The following SORCS1 variants were observed in gnomAD, a reference collection of about 807,000 sequenced individuals.
SORCS1 encodes VPS10 domain-containing receptor SorCS1.
Under a neutral mutation model 146.1 loss-of-function variants are expected in SORCS1, and 60 were observed. That is an observed-to-expected ratio of 0.41 (90% CI 0.33 to 0.51). The LOEUF is 0.51. SORCS1 is among the 20% of genes least tolerant of loss of function. The pLI is 0.21. For missense variants in SORCS1, 1,352 were observed against 1,487.6 expected (o/e 0.91, Z 1.50); for synonymous variants, 637 against 584.0 (o/e 1.09, Z -1.31).
chr10:106,881,941 G>A (rs1056627354), intron 2 of SORCS1, among the ~76,000 whole-genome samples: 1 of 152,196 alleles, frequency 6.6e-6, no homozygotes, highest in African/African-American at 2.4e-5. Context: ...TGCTCCCTAG[G>A]ATCTCTGAGG....
chr10:106,898,822 C>T (rs926971311), intron 2 of SORCS1, among the ~76,000 whole-genome samples: 1 of 152,116 alleles, frequency 6.6e-6, no homozygotes, highest in African/African-American at 2.4e-5. Flanking sequence ...TTCATTGTTG[C>T]CTTTATCTTT....
rs10884409 is a variant in SORCS1 at position 107,060,027 on chromosome 10, G to A, written c.559-103447C>T. 0.49 allele frequency among the ~76,000 whole-genome samples: 74,177 copies of A among 151,870 alleles called. 18,716 individuals carry two copies. Among genetic ancestry groups the A allele is most frequent in the Middle Eastern group, 0.62 (183 of 294 alleles). On this transcript the variant is annotated intron_variant, in intron 1 of 25. Transcript: ENST00000263054. This position sits in a 1 kb window ranked among gnomAD's most constrained non-coding sequence, Gnocchi z 4.1. ...AATGCTTCTGACAGATGACACAGTG[G>A]TCTTTAATCTACCATGTGTCCTCAT...
At chr10:106,809,029 G>T (rs1449835889) in intron 3 of SORCS1, among the ~76,000 whole-genome samples, 1 of 152,136 alleles carries the variant, frequency 6.6e-6, no homozygotes, top group East Asian at 1.9e-4. Flanking sequence ...TTTACCGCCA[G>T]TTGTAAAGTA....
chr10:107,132,000 T>G (rs561594316), intron 1 of SORCS1, among the ~76,000 whole-genome samples: 13 of 152,240 alleles, frequency 8.5e-5, no homozygotes, highest in Non-Finnish European at 1.6e-4. Flanking sequence ...AATGTTTCTT[T>G]CTTTGAGAAG....
intron 2 of SORCS1, among the ~76,000 whole-genome samples, chr10:106,923,013 C>T (rs768710316): frequency 7.9e-5 from 12 of 151,980 alleles, no homozygotes; most frequent in Non-Finnish European, 1.3e-4. Context: ...TTCAGCCCCC[C>T]GAGTAGCTGG....
At chr10:107,092,522 T>C (rs1196277179) in intron 1 of SORCS1, among the ~76,000 whole-genome samples, 1 of 152,194 alleles carries the variant, frequency 6.6e-6, no homozygotes. Flanking sequence ...TCTCCCTGCC[T>C]TGCACATGAC....
chr10:106,663,681 C>T (rs1850909727), intron 17 of SORCS1, among the ~76,000 whole-genome samples: 1 of 152,174 alleles, frequency 6.6e-6, no homozygotes, highest in South Asian at 2.1e-4. Flanking sequence ...AGTTCACCAA[C>T]ATTTTACCTC....
intron 2 of SORCS1, among the ~76,000 whole-genome samples, chr10:106,857,566 G>A (rs769910779): frequency 6.6e-5 from 10 of 152,184 alleles, no homozygotes; most frequent in African/African-American, 2.2e-4. Context: ...AAATAGCTCC[G>A]AAAGCCAAGG....
chr10:106,942,004 G>A (rs1419208933), intron 2 of SORCS1, among the ~76,000 whole-genome samples: 1 of 152,156 alleles, frequency 6.6e-6, no homozygotes, highest in East Asian at 1.9e-4. Flanking sequence ...GGATGTGGGG[G>A]GAATTGACAA....
At chr10:106,606,282 C>T (rs2418813) in intron 23 of SORCS1, among the ~76,000 whole-genome samples, 3 of 18,680 alleles carry the variant, frequency 1.6e-4, no homozygotes, top group African/African-American at 2.8e-4. Context: ...TATACACACA[C>T]ACACACACAC....
intron 1 of SORCS1, among the ~76,000 whole-genome samples, chr10:107,140,531 C>T (rs183526416): frequency 6.6e-6 from 1 of 152,248 alleles, no homozygotes; most frequent in Admixed American, 6.5e-5. Flanking sequence ...CTGTGAATGC[C>T]TATAATGTTT....
chr10:106,994,822 G>T (rs1487765830), intron 1 of SORCS1, among the ~76,000 whole-genome samples: 2 of 152,164 alleles, frequency 1.3e-5, no homozygotes, highest in Admixed American at 6.5e-5. Context: ...GAGCAAACTG[G>T]CTTAAGAGTT....
intron 1 of SORCS1, among the ~76,000 whole-genome samples, chr10:107,037,544 G>A (rs1162481327): frequency 6.6e-6 from 1 of 152,384 alleles, no homozygotes. Flanking sequence ...AGCTGTGGGA[G>A]TGGGGAAACC....
At chr10:106,934,880 C>T (rs1433345517) in intron 2 of SORCS1, among the ~76,000 whole-genome samples, 1 of 151,892 alleles carries the variant, frequency 6.6e-6, no homozygotes, top group Non-Finnish European at 1.5e-5. Flanking sequence ...TAAAGGCATA[C>T]AGAGTGACAT....
chr10:106,844,018 G>A (rs577493940), intron 2 of SORCS1, among the ~76,000 whole-genome samples: 1 of 152,156 alleles, frequency 6.6e-6, no homozygotes, highest in Admixed American at 6.5e-5. Context: ...CACCACAAGT[G>A]TACAAGGGTT....
At chr10:106,663,740 G>A (rs1422979092) in intron 17 of SORCS1, among the ~76,000 whole-genome samples, 1 of 152,194 alleles carries the variant, frequency 6.6e-6, no homozygotes, top group Non-Finnish European at 1.5e-5. Context: ...GAATTCAGTG[G>A]TGTGAGGCCT....
At chr10:106,793,007 G>C (rs757654035) in intron 3 of SORCS1, among the ~76,000 whole-genome samples, 3 of 152,038 alleles carry the variant, frequency 2.0e-5, no homozygotes, top group Non-Finnish European at 4.4e-5. Flanking sequence ...AATTTAAGAA[G>C]TTTCTGCAAC....
intron 1 of SORCS1, among the ~76,000 whole-genome samples, chr10:106,973,936 C>T (rs963724964): frequency 1.3e-5 from 2 of 152,144 alleles, no homozygotes; most frequent in African/African-American, 4.8e-5. Flanking sequence ...GGCAGGGAGG[C>T]AGGCACAATA....
chr10:107,064,871 C>T (rs1487213622), intron 1 of SORCS1, among the ~76,000 whole-genome samples: 2 of 152,144 alleles, frequency 1.3e-5, no homozygotes, highest in Admixed American at 1.3e-4. Flanking sequence ...AGGGTAGTCA[C>T]TGTGATTTTT....
Sources: gnomAD v4.1 joint callset for allele counts (sites outside exome capture counted in the v4.1 genomes callset) on GRCh38, gnomAD v4.1.1 for gene constraint, Gnocchi (gnomAD v3.1) non-coding constraint, MANE v1.5 for transcripts, NCBI Gene and HGNC (gene_info 2026-07-23, HGNC 2026-07-21) for gene names.